The following GAREM1 variants were observed in gnomAD, a reference collection of about 807,000 sequenced individuals.
The protein encoded by GAREM1 is GRB2 associated regulator of MAPK1 subtype 1.
GAREM1 carries 26 observed loss-of-function variants against 71.3 expected under a neutral mutation model. The observed-to-expected ratio is 0.36, with a 90% CI of 0.27 to 0.51. The LOEUF (loss-of-function observed/expected upper bound fraction) is 0.51. GAREM1 is among the 20% of genes least tolerant of loss of function. The pLI is 0.95. For synonymous variants in GAREM1, 440 were observed against 433.2 expected (o/e 1.02, Z -0.20); for missense variants, 1,026 against 1,103.1 (o/e 0.93, Z 0.99).
chr18:32,470,486 C>T lies in GAREM1; in HGVS notation c.-58G>A, dbSNP rs2144328628. On this transcript the variant is annotated 5_prime_UTR_variant, in exon 1 of 6. Transcript: ENST00000269209. This position sits in a 1 kb window ranked among gnomAD's most constrained non-coding sequence, Gnocchi z 4.4. ...GCCGCCGCCACCGGCACCACCCGCG[C>T]CTCGGCGGCCGCCGCTGCTCGCGCT... is the stretch of plus-strand genomic sequence containing the variant. The T allele has an allele frequency of 1.7e-6, 2 of 1,183,720 alleles. No individual in the cohort carries two copies. Among genetic ancestry groups the T allele is most frequent in the Non-Finnish European group, 2.1e-6 (2 of 949,220 alleles). The allele number at this position is 1,183,720 out of a possible 1,614,324, so 73.3% of individuals were successfully genotyped here. A position where few individuals can be genotyped will look rare whatever the true frequency, so the allele number is the denominator to read the frequency against.
At position 32,287,326 on chromosome 18, in the gene GAREM1, T is replaced by A; in HGVS notation, c.1271A>T (p.Gln424Leu). Residue 424 changes from glutamine (Q) to leucine (L), a missense_variant, in exon 4 of 6, where the codon CAG becomes CTG. Gln to Leu is a moderately radical substitution (Grantham distance 113). Coordinates refer to ENST00000269209, the MANE Select transcript of GAREM1 (RefSeq NM_001242409.2). The surrounding 1 kb of genome is among the most constrained non-coding windows in gnomAD (Gnocchi z 5.9). ...GTCGCTCCCACTATCTCCAGAGTCC[T>A]GATAGGGCAGGATGTCATGAGGAAA... The part of the protein sequence containing the change: ...APFPHDILPY[Q>L]DSGDSGSDYL... The A allele has an allele frequency of 1.9e-6, 3 of 1,614,202 alleles. No individual in the cohort carries two copies. Among genetic ancestry groups the A allele is most frequent in the Non-Finnish European group, 2.5e-6 (3 of 1,180,034 alleles).
At chr18:32,362,191 C>T (rs563999098) in intron 2 of GAREM1, among the ~76,000 whole-genome samples, 1 of 152,284 alleles carries the variant, frequency 6.6e-6, no homozygotes, top group Admixed American at 6.5e-5. Flanking sequence ...CCAGGGGAGA[C>T]TCCTGTTCAC....
At chr18:32,385,734 A>G (rs953515981) in intron 2 of GAREM1, among the ~76,000 whole-genome samples, 1 of 152,120 alleles carries the variant, frequency 6.6e-6, no homozygotes, top group Non-Finnish European at 1.5e-5. Flanking sequence ...TTTCCAGGGA[A>G]TAGTGGAGAC....
intron 2 of GAREM1, among the ~76,000 whole-genome samples, chr18:32,321,172 A>C (rs1482332841): frequency 6.6e-6 from 1 of 152,196 alleles, no homozygotes; most frequent in Non-Finnish European, 1.5e-5. Flanking sequence ...TGAATAAATA[A>C]ACATATAATA....
chr18:32,460,713 C>A (rs576966047), intron 1 of GAREM1, among the ~76,000 whole-genome samples: 1 of 152,262 alleles, frequency 6.6e-6, no homozygotes, highest in South Asian at 2.1e-4. Context: ...AAGTAAAATC[C>A]GTGGTGCCCA....
At chr18:32,407,215 T>C (rs970694379) in intron 1 of GAREM1, among the ~76,000 whole-genome samples, 1 of 152,154 alleles carries the variant, frequency 6.6e-6, no homozygotes, top group African/African-American at 2.4e-5. Context: ...ACAACCACAA[T>C]AGAGAACAAC....
At chr18:32,451,248 T>TCCCCCCCCC (rs1164223308) in intron 1 of GAREM1, among the ~76,000 whole-genome samples, 37 of 102,424 alleles carry the variant, frequency 3.6e-4, no homozygotes, top group African/African-American at 6.2e-4. Context: ...AGAGCCCCCA[T>TCCCCCCCCC]CCCCCCACCC....
chr18:32,336,976 T>G (rs2047602526), intron 2 of GAREM1, among the ~76,000 whole-genome samples: 1 of 152,230 alleles, frequency 6.6e-6, no homozygotes, highest in African/African-American at 2.4e-5. Flanking sequence ...CAGAAAATGG[T>G]GACTGCTAAA....
chr18:32,310,118 T>C (rs2047301725), intron 3 of GAREM1, 75 bp downstream of exon 3: 3 of 1,497,574 alleles, frequency 2.0e-6, no homozygotes, highest in Non-Finnish European at 2.8e-6. Flanking sequence ...GATGAACACT[T>C]ACTGTGTACA....
At chr18:32,424,650 A>AT (rs1334992388) in intron 1 of GAREM1, among the ~76,000 whole-genome samples, 1 of 152,230 alleles carries the variant, frequency 6.6e-6, no homozygotes, top group Non-Finnish European at 1.5e-5. Flanking sequence ...TTGGAACCAG[A>AT]TGAGATCATT....
chr18:32,285,127 G>A (rs994400436), intron 4 of GAREM1, among the ~76,000 whole-genome samples: 2 of 152,088 alleles, frequency 1.3e-5, no homozygotes, highest in African/African-American at 2.4e-5. Flanking sequence ...CAAGGACCCC[G>A]GCTCCACCAT....
In GAREM1 at chr18:32,288,047, G is replaced by A. The variant is rs2144469221; in HGVS notation, c.550C>T (p.Leu184Phe). Residue 184 changes from leucine (L) to phenylalanine (F), a missense_variant, in exon 4 of 6, where the codon CTC becomes TTC. By Grantham distance (22) the Leu-to-Phe change is conservative (BLOSUM62 0). Around this residue, in one of 3 missense-constraint regions of GAREM1, gnomAD observed 218 missense variants for 296.8 expected, o/e 0.73. Coordinates refer to ENST00000269209, the MANE Select transcript of GAREM1 (RefSeq NM_001242409.2). Reference sequence around the variant, plus strand: ...TTTCCCAGCTTGCTGATGGAATTGAGCTTCCCAATCTTTTTGAAGATTGTG... The same window carrying A: ...TTTCCCAGCTTGCTGATGGAATTGAACTTCCCAATCTTTTTGAAGATTGTG... ...LNTIFKKIGK[L>F]NSISKLGKGK... The A allele has an allele frequency of 6.2e-7, 1 of 1,614,112 alleles. No individual in the cohort carries two copies. The highest frequency in any genetic ancestry group is 2.2e-5 in the East Asian group (1 of 44,868).
chr18:32,288,620 TGTG>T (rs1399801519), intron 3 of GAREM1, among the ~76,000 whole-genome samples: 3 of 151,982 alleles, frequency 2.0e-5, no homozygotes, highest in South Asian at 2.1e-4. Flanking sequence ...AACTTAAAAA[TGTG>T]GTATTTCTCA....
In GAREM1 at chr18:32,417,087, G is replaced by A. The variant is rs372674981; in HGVS notation, c.122-24052C>T. Among the ~76,000 whole-genome samples, 22 of 152,236 alleles carry A rather than the reference G, an allele frequency of 1.4e-4. No individual in the cohort carries two copies. In the South Asian group the frequency reaches 4.6e-3, roughly 32 times the overall value. On this transcript the variant is annotated intron_variant, in intron 1 of 5. Transcript: ENST00000269209. ...TTTGAATGGACATTTCTCAGAAGAA[G>A]ATATACAAATGGCAAACAGATATAT...
At chr18:32,417,295 T>G (rs1211717991) in intron 1 of GAREM1, among the ~76,000 whole-genome samples, 1 of 152,170 alleles carries the variant, frequency 6.6e-6, no homozygotes, top group African/African-American at 2.4e-5. Flanking sequence ...ACAACCACTT[T>G]GGAGAACAGT....
chr18:32,413,506 GAC>G (rs1194285928), intron 1 of GAREM1, among the ~76,000 whole-genome samples: 1 of 152,078 alleles, frequency 6.6e-6, no homozygotes, highest in African/African-American at 2.4e-5. Flanking sequence ...TTGCCCTGAA[GAC>G]AGTGGCTAGG....
intron 4 of GAREM1, among the ~76,000 whole-genome samples, chr18:32,276,154 T>C (rs1212458669): frequency 3.9e-5 from 6 of 152,238 alleles, no homozygotes; most frequent in Non-Finnish European, 7.3e-5. Flanking sequence ...TTTCTCGAAC[T>C]TCATCCTCTT....
chr18:32,296,803 GTGGC>G (rs2047145250), intron 3 of GAREM1, among the ~76,000 whole-genome samples: 2 of 151,086 alleles, frequency 1.3e-5, no homozygotes, highest in Non-Finnish European at 2.9e-5. Context: ...AGCCTCCCAA[GTGGC>G]TGGGACTAGA....
chr18:32,267,829 G>C lies in GAREM1; in HGVS notation c.*42C>G, dbSNP rs201867603. 1.3e-6 allele frequency: 2 copies of C among 1,513,232 alleles called. No homozygotes were observed. Among genetic ancestry groups the C allele is most frequent in the Non-Finnish European group, 1.8e-6 (2 of 1,106,982 alleles). 93.7% of individuals were successfully genotyped at this position (1,513,232 alleles called of 1,614,324 possible). On this transcript the variant is annotated 3_prime_UTR_variant, in exon 6 of 6. Coordinates refer to ENST00000269209, the MANE Select transcript of GAREM1 (RefSeq NM_001242409.2). ...TCCCAGCCCACCCCTTCTAGCACAC[G>C]CATTGATCAGTTTTGTTCCATGCTG...
Sources: gnomAD v4.1 joint callset for allele counts (sites outside exome capture counted in the v4.1 genomes callset) on GRCh38, gnomAD v4.1.1 for gene constraint, gnomAD v4.1.1 regional missense constraint, Gnocchi (gnomAD v3.1) non-coding constraint, MANE v1.5 for transcripts, NCBI Gene and HGNC (gene_info 2026-07-23, HGNC 2026-07-21) for gene names.